Variants in TBCK observed in about 807,000 individuals in gnomAD.
TBCK encodes TBC domain-containing protein kinase-like protein.
TBCK carries 99 observed loss-of-function variants against 113.4 expected under a neutral mutation model. The observed-to-expected ratio is 0.87, with a 90% confidence interval of 0.74 to 1.03. The LOEUF (loss-of-function observed/expected upper bound fraction) is 1.03, where lower values mean the gene tolerates loss of function less well. Among genes scored for constraint, TBCK ranks in the 50% least tolerant of loss-of-function variants. The pLI is 0.00. For missense variants in TBCK, 1,045 were observed against 1,061.3 expected, an observed-to-expected ratio of 0.98 and a Z score of 0.21; for synonymous variants, 369 against 370.8, an observed-to-expected ratio of 1.00 and a Z score of 0.05.
intron 25 of TBCK, among the ~76,000 whole-genome samples, chr4:106,073,758 G>A (rs561565482): frequency 1.2e-4 from 19 of 152,272 alleles, no homozygotes; most frequent in African/African-American, 4.1e-4. Context: ...ATTGAGCTGC[G>A]GTGGGCTCCA....
At chr4:106,296,431 T>C (rs1005061686) in intron 2 of TBCK, among the ~76,000 whole-genome samples, 29 of 151,918 alleles carry the variant, frequency 1.9e-4, no homozygotes, top group African/African-American at 7.0e-4. Flanking sequence ...AATGAAAAAG[T>C]AGCCAAGGTA....
intron 23 of TBCK, among the ~76,000 whole-genome samples, chr4:106,165,223 C>G (rs189175032): frequency 6.1e-4 from 93 of 151,838 alleles, no homozygotes; most frequent in Admixed American, 9.2e-4. Context: ...CATATCTTTA[C>G]TTATTATTTT....
intron 3 of TBCK, among the ~76,000 whole-genome samples, chr4:106,270,684 G>T (rs1028891102): frequency 1.7e-4 from 26 of 152,142 alleles, no homozygotes; most frequent in African/African-American, 6.3e-4. Flanking sequence ...TATTTTAGAT[G>T]ACTAATTTAT....
rs772068326 is a variant in TBCK at position 106,042,000 on chromosome 4, A to G, written c.*4570T>C. On this transcript the variant is annotated 3_prime_UTR_variant, in exon 26 of 26. Transcript: ENST00000394708. ...TTACAAAACCTAAAGGTTGTGTGTG[A>G]GCAATTACATACCCTGTTAAATGTC... is the stretch of plus-strand genomic sequence containing the variant. 3.3e-5 allele frequency: 5 copies of G among 152,228 alleles called. No individual in the cohort carries two copies. Among genetic ancestry groups the G allele is most frequent in the Non-Finnish European group, 7.3e-5 (5 of 68,042 alleles). 9.4% of individuals were successfully genotyped at this position (152,228 alleles called of 1,614,324 possible). A position where few individuals can be genotyped will look rare whatever the true frequency, so the allele number is the denominator to read the frequency against.
At chr4:106,218,364 C>G (rs1222644597) in intron 19 of TBCK, among the ~76,000 whole-genome samples, 4 of 149,438 alleles carry the variant, frequency 2.7e-5, no homozygotes, top group Admixed American at 2.0e-4. Flanking sequence ...ACAAAATTGA[C>G]AAATGGGATC....
chr4:106,111,346 G>A (rs1238220448), intron 24 of TBCK, among the ~76,000 whole-genome samples: 2 of 152,140 alleles, frequency 1.3e-5, no homozygotes, highest in Admixed American at 6.5e-5. Context: ...CTTCAGCAGG[G>A]GCTCCCCTCC....
At chr4:106,281,411 T>C (rs1462116091) in intron 3 of TBCK, among the ~76,000 whole-genome samples, 2 of 152,126 alleles carry the variant, frequency 1.3e-5, no homozygotes, top group Non-Finnish European at 2.9e-5. Context: ...CCTTGATTTC[T>C]TTCTCTTATC....
intron 20 of TBCK, among the ~76,000 whole-genome samples, chr4:106,205,103 T>C (rs1409428926): frequency 1.3e-5 from 2 of 152,172 alleles, no homozygotes; most frequent in Non-Finnish European, 2.9e-5. Context: ...GTGAAACAGT[T>C]ACTTTAAGAA....
At chr4:106,261,673 G>T (rs1762522984) in intron 4 of TBCK, among the ~76,000 whole-genome samples, 1 of 151,908 alleles carries the variant, frequency 6.6e-6, no homozygotes, top group African/African-American at 2.4e-5. Flanking sequence ...GGTAAATAAG[G>T]AGATAAATAG....
chr4:106,060,672 A>G (rs1308195763), intron 25 of TBCK, among the ~76,000 whole-genome samples: 1 of 151,786 alleles, frequency 6.6e-6, no homozygotes, highest in Non-Finnish European at 1.5e-5. Flanking sequence ...GAGTCATTTC[A>G]ACCTTCAGGT....
intron 12 of TBCK, chr4:106,238,842 G>C (rs755199463): frequency 1.3e-5 from 2 of 152,098 alleles, no homozygotes; most frequent in Non-Finnish European, 2.9e-5. Flanking sequence ...GCTGGAGTCT[G>C]TTAAGATCAA....
chr4:106,222,602 T>C (rs1375069385), intron 19 of TBCK, among the ~76,000 whole-genome samples: 2 of 152,162 alleles, frequency 1.3e-5, no homozygotes, highest in African/African-American at 4.8e-5. Flanking sequence ...CTCAATTCCA[T>C]AACTATTTGT....
intron 20 of TBCK, among the ~76,000 whole-genome samples, chr4:106,195,459 G>A (rs1247391808): frequency 1.4e-5 from 2 of 143,498 alleles, no homozygotes; most frequent in African/African-American, 5.3e-5. Flanking sequence ...ACTGCATCAG[G>A]TGATACCTAG....
At chr4:106,095,723 C>T in intron 24 of TBCK, 82 bp from the exon 25 acceptor site, 1 of 1,280,674 alleles carries the variant, frequency 7.8e-7, no homozygotes, top group Non-Finnish European at 1.1e-6. Flanking sequence ...TAAGTGACTC[C>T]CAGAAGATAG....
chr4:106,175,789 C>T (rs1336862399), intron 22 of TBCK, among the ~76,000 whole-genome samples: 2 of 152,138 alleles, frequency 1.3e-5, no homozygotes, highest in African/African-American at 4.8e-5. Flanking sequence ...TATTGGGCAA[C>T]ATTACAATGG....
chr4:106,067,537 G>A (rs1028234360), intron 25 of TBCK, among the ~76,000 whole-genome samples: 1 of 151,984 alleles, frequency 6.6e-6, no homozygotes, highest in Admixed American at 6.6e-5. Flanking sequence ...TGTTGTCTGT[G>A]CTCTTGGTGT....
chr4:106,074,155 C>A (rs1446579086), intron 25 of TBCK, among the ~76,000 whole-genome samples: 1 of 152,160 alleles, frequency 6.6e-6, no homozygotes, highest in Admixed American at 6.5e-5. Context: ...GAACCAGGTA[C>A]CTCAGCTGGA....
intron 23 of TBCK, among the ~76,000 whole-genome samples, chr4:106,167,801 A>G (rs1481901034): frequency 6.6e-6 from 1 of 151,738 alleles, no homozygotes; most frequent in Non-Finnish European, 1.5e-5. Context: ...CAAAACTTAT[A>G]TGAGAAGAAT....
intron 24 of TBCK, among the ~76,000 whole-genome samples, chr4:106,097,500 T>G (rs1191768418): frequency 6.6e-6 from 1 of 152,116 alleles, no homozygotes; most frequent in Non-Finnish European, 1.5e-5. Context: ...GAGAATGTAT[T>G]ACTGGCAAAA....
Sources: gnomAD v4.1 joint callset for allele counts (sites outside exome capture counted in the v4.1 genomes callset) on GRCh38, gnomAD v4.1.1 for gene constraint, MANE v1.5 for transcripts, NCBI Gene and HGNC (gene_info 2026-07-23, HGNC 2026-07-21) for gene names.